ZNF814: variants seen among roughly 807,000 people sequenced by gnomAD.
ZNF814 encodes zinc finger protein 814.
Under a neutral mutation model 7.5 loss-of-function variants are expected in ZNF814, and 5 were observed. The ratio of observed to expected loss-of-function variants is 0.67; its 90% CI spans 0.35 to 1.40. The LOEUF is 1.40. Among genes scored for constraint, ZNF814 ranks in the 40% most tolerant of loss-of-function variants. ZNF814 has a pLI of 0.04. For missense variants in ZNF814, 962 were observed against 1,018.0 expected (o/e 0.94, Z 0.75); for synonymous variants, 315 against 340.7 (o/e 0.92, Z 0.83).
At chr19:57,887,005 T>C (rs1202424124) in intron 1 of ZNF814, among the ~76,000 whole-genome samples, 1 of 151,366 alleles carries the variant, frequency 6.6e-6, no homozygotes, top group Non-Finnish European at 1.5e-5. Context: ...CTGACCAACA[T>C]GGAGAAACCC....
At chr19:57,895,833 T>G in the ZNF814 span, among the ~76,000 whole-genome samples, 1 of 151,590 alleles carries the variant, frequency 6.6e-6, no homozygotes, top group South Asian at 2.1e-4. Flanking sequence ...GTTCTTTGGA[T>G]CTCACACAAG....
chr19:57,901,404 A>C, the ZNF814 span, among the ~76,000 whole-genome samples: 1 of 152,252 alleles, frequency 6.6e-6, no homozygotes, highest in Admixed American at 6.5e-5. Context: ...TAAAAATGCC[A>C]GACAAGATAT....
chr19:57,886,456 A>C (rs1387605526), intron 1 of ZNF814, among the ~76,000 whole-genome samples: 2 of 152,126 alleles, frequency 1.3e-5, no homozygotes, highest in African/African-American at 4.8e-5. Context: ...AAAACCTTTA[A>C]AATCCAGATT....
intron 1 of ZNF814, among the ~76,000 whole-genome samples, chr19:57,885,545 G>A (rs1385283936): frequency 6.6e-6 from 1 of 150,452 alleles, no homozygotes; most frequent in Admixed American, 6.6e-5. Context: ...CAGGAGAATC[G>A]CGTGAATCTG....
rs139076093 is a variant in ZNF814, at chr19:57,872,350, G to A, written c.*472C>T. ...TTCATTACATTCAAAAGGCATTTCT[G>A]CAGTGGGAAGTCTCCTGTGTGTTAT... On this transcript the variant is annotated 3_prime_UTR_variant, in exon 3 of 3. Coordinates refer to ENST00000435989, the MANE Select transcript of ZNF814 (RefSeq NM_001144989.2). 32 of 182,836 alleles carry A rather than the reference G, an allele frequency of 1.8e-4. No individual in the cohort carries two copies. In the East Asian group the frequency reaches 4.7e-3, roughly 27 times the overall value. The allele number at this position is 182,836 out of a possible 1,614,324, so 11.3% of individuals were successfully genotyped here. A position where few individuals can be genotyped will look rare whatever the true frequency, so the allele number is the denominator to read the frequency against.
upstream of ZNF814, among the ~76,000 whole-genome samples, chr19:57,893,742 A>C (rs1489240912): frequency 6.6e-6 from 1 of 151,520 alleles, no homozygotes; most frequent in African/African-American, 2.4e-5. Flanking sequence ...AACATGGTAA[A>C]ACCCCGTCTC....
the ZNF814 span, among the ~76,000 whole-genome samples, chr19:57,897,610 C>A: frequency 6.6e-6 from 1 of 152,130 alleles, no homozygotes; most frequent in East Asian, 1.9e-4. Flanking sequence ...AGTGCCCTTA[C>A]AAACGTACAA....
the ZNF814 span, among the ~76,000 whole-genome samples, chr19:57,894,165 G>C: frequency 6.6e-6 from 1 of 151,512 alleles, no homozygotes; most frequent in South Asian, 2.1e-4. Context: ...ACGAGGTTAA[G>C]AGCTCAAGAC....
At position 57,888,820 on chromosome 19, in the gene ZNF814, A is replaced by G. The variant is rs565344196; in HGVS notation, c.-18T>C. 97 of 1,551,698 alleles carry G rather than the reference A, an allele frequency of 6.3e-5. No homozygotes were observed. The South Asian group carries it at 8.7e-4, about 14-fold the overall frequency. ...GCAGCCATCGAACCACGTGGTTTTA[A>G]GCAGAGTCGGGAGGATAGGGCGACC... On this transcript the variant is annotated 5_prime_UTR_variant, in exon 1 of 3. Transcript: ENST00000435989.
chr19:57,872,231 C>G lies in ZNF814; in HGVS notation c.*591G>C, dbSNP rs535904474. 4.2e-4 allele frequency among the ~76,000 whole-genome samples: 64 copies of G among 152,290 alleles called. No individual in the cohort carries two copies. Among genetic ancestry groups the G allele is most frequent in the African/African-American group, 1.5e-3 (62 of 41,568 alleles). On this transcript the variant is annotated 3_prime_UTR_variant, in exon 3 of 3. Coordinates refer to ENST00000435989, the MANE Select transcript of ZNF814 (RefSeq NM_001144989.2). ...GGTAGGTGGCACTCTCAAAGGGTTA[C>G]ATTGAAAAAGAAATAACATTCCATA...
At position 57,888,834 on chromosome 19, in the gene ZNF814, G is replaced by A. The variant is rs1171847669; in HGVS notation, c.-32C>T. Reference sequence around the variant, plus strand: ...ACGTGGTTTTAAGCAGAGTCGGGAGGATAGGGCGACCAGCCAGGAGATATG... The same window carrying A: ...ACGTGGTTTTAAGCAGAGTCGGGAGAATAGGGCGACCAGCCAGGAGATATG... On this transcript the variant is annotated 5_prime_UTR_variant, in exon 1 of 3. Transcript: ENST00000435989. 12 of 1,551,430 alleles carry A rather than the reference G, an allele frequency of 7.7e-6. No individual in the cohort carries two copies. The highest frequency in any genetic ancestry group is 2.4e-5 in the South Asian group (2 of 84,050).
At chr19:57,878,037 G>T (rs893496813) in intron 1 of ZNF814, among the ~76,000 whole-genome samples, 3 of 151,670 alleles carry the variant, frequency 2.0e-5, no homozygotes, top group African/African-American at 7.3e-5. Flanking sequence ...GTGGTGTCGG[G>T]CGCCTGTGAT....
the ZNF814 span, chr19:57,901,819 A>T: frequency 1.8e-5 from 7 of 397,956 alleles, no homozygotes; most frequent in Non-Finnish European, 2.7e-5. Flanking sequence ...GCAACTCAAA[A>T]TTTTACTTAT....
At chr19:57,890,507 T>A (rs2071729339), upstream of ZNF814, among the ~76,000 whole-genome samples, 4 of 152,104 alleles carry the variant, frequency 2.6e-5, no homozygotes, top group African/African-American at 9.7e-5. Flanking sequence ...AATTGGGGAA[T>A]GCTGATTGGT....
rs764399458 is a variant in ZNF814, at chr19:57,873,096, A to C, written c.2294T>G (p.Ile765Ser). 1 of 1,613,886 alleles carries C rather than the reference A, an allele frequency of 6.2e-7. No individual in the cohort carries two copies. Among genetic ancestry groups the C allele is most frequent in the Non-Finnish European group, 8.5e-7 (1 of 1,179,960 alleles). ...CTCATAAGGCTTTTCTCCAGTGTGA[A>C]TTCGCTTATGAACACAGAATGTAGA... is the stretch of plus-strand genomic sequence containing the variant. ...HSSTFCVHKR[I>S]HTGEKPYECS... The change falls in exon 3 of 3, where the codon ATT becomes AGT. Residue 765 changes from isoleucine to serine, a missense_variant. Transcript: ENST00000435989.
chr19:57,873,415 G>A lies in ZNF814; in HGVS notation c.1975C>T (p.Pro659Ser). ...NHQRVHTTERPFKCGECGKCF... is the reference protein window; with the variant it reads ...NHQRVHTTERSFKCGECGKCF... ...TTCCCACATTCCCCACACTTAAAAG[G>A]TCTTTCTGTAGTGTGAACTCGCTGA... is the stretch of plus-strand genomic sequence containing the variant. The change falls in exon 3 of 3, where the codon CCT (proline) becomes TCT (serine). Residue 659 changes from proline (P) to serine (S), a missense_variant. Pro to Ser is a moderately conservative substitution (Grantham distance 74). Transcript: ENST00000435989. The A allele has an allele frequency of 1.9e-6, 3 of 1,612,830 alleles. No individual in the cohort carries two copies. The South Asian group carries it at 3.3e-5, about 18-fold the overall frequency.
intron 1 of ZNF814, among the ~76,000 whole-genome samples, chr19:57,877,530 C>A (rs1266041903): frequency 1.3e-5 from 2 of 152,074 alleles, no homozygotes; most frequent in East Asian, 3.9e-4. Context: ...GCAACCTCCA[C>A]CTCCTGGGTT....
chr19:57,885,192 C>A (rs1198458535), intron 1 of ZNF814, among the ~76,000 whole-genome samples: 3 of 151,750 alleles, frequency 2.0e-5, no homozygotes, highest in African/African-American at 7.3e-5. Context: ...TGTGGTGGCA[C>A]ACGTGTTTAG....
At chr19:57,903,814 A>G in the ZNF814 span, among the ~76,000 whole-genome samples, 1 of 152,230 alleles carries the variant, frequency 6.6e-6, no homozygotes, top group Non-Finnish European at 1.5e-5. Flanking sequence ...AAGAACAAGC[A>G]ATGATAGCTG....
Sources: allele counts gnomAD v4.1 joint callset (sites outside exome capture counted in the v4.1 genomes callset), GRCh38; gene constraint gnomAD v4.1.1; transcripts MANE v1.5; gene names NCBI Gene and HGNC (gene_info 2026-07-23, HGNC 2026-07-21).